Variants in AKNA observed in about 807,000 individuals in gnomAD.
AKNA encodes microtubule organization protein AKNA.
Under a neutral mutation model 138.8 loss-of-function variants are expected in AKNA, and 67 were observed. The observed-to-expected ratio is 0.48, with a 90% CI of 0.40 to 0.59. The LOEUF (loss-of-function observed/expected upper bound fraction) is 0.59. Among genes scored for constraint, AKNA ranks in the 20% least tolerant of loss-of-function variants. The probability of loss-of-function intolerance (pLI) is 0.00; values close to 1 mark genes in which losing one functional copy is unlikely to be tolerated. For missense variants in AKNA, 1,813 were observed against 1,880.4 expected, an observed-to-expected ratio of 0.96 and a Z score of 0.66; for synonymous variants, 737 against 754.4, an observed-to-expected ratio of 0.98 and a Z score of 0.38.
chr9:114,355,608 A>G (rs1383054171), intron 14 of AKNA, among the ~76,000 whole-genome samples: 2 of 152,072 alleles, frequency 1.3e-5, no homozygotes, highest in Non-Finnish European at 1.5e-5. Context: ...CTCCATGAAA[A>G]TCTTATGGGA....
chr9:114,368,078 A>C (rs775844997), intron 5 of AKNA: 1 of 288,178 alleles, frequency 3.5e-6, no homozygotes. Context: ...TGGGTGTGAC[A>C]ACAGTGCACA....
At chr9:114,364,830 G>A (rs772098388) in intron 6 of AKNA, among the ~76,000 whole-genome samples, 23 of 152,090 alleles carry the variant, frequency 1.5e-4, no homozygotes, top group Non-Finnish European at 2.8e-4. Context: ...AAACCTGCAG[G>A]AATTTACTGA....
chr9:114,361,700 G>A lies in AKNA; in HGVS notation c.2124+4C>T. ...CAGCCCAATATGGTTGAGCCAAGAG[G>A]TACCTCAGGGCAGGAGGTCTTGATG... On this transcript the variant is annotated splice_donor_region_variant and intron_variant, in intron 9 of 21. Transcript: ENST00000374088. 3.7e-6 allele frequency: 6 copies of A among 1,612,850 alleles called. No homozygotes were observed. The highest frequency in any genetic ancestry group is 1.1e-5 in the South Asian group (1 of 91,022).
At position 114,377,041 on chromosome 9, in the gene AKNA, G is replaced by A. The variant is rs551201856; in HGVS notation, c.766C>T (p.Arg256Trp). Residue 256 changes from arginine to tryptophan, a missense_variant, in exon 3 of 22, where the codon CGG (arginine) becomes TGG (tryptophan). Arg to Trp is a moderately radical substitution (Grantham distance 101). Transcript: ENST00000374088. ...PDGRTGGSVA[R>W]ATPMEFQDSS... ...TCCTGGAATTCCATGGGGGTTGCCC[G>A]AGCAACACTGCCTCCAGTTCTGCCA... 17 of 1,614,184 alleles carry A rather than the reference G, an allele frequency of 1.1e-5. No individual in the cohort carries two copies. Among genetic ancestry groups the A allele is most frequent in the African/African-American group, 5.3e-5 (4 of 75,052 alleles).
chr9:114,394,961 C>T (rs538609966), upstream of AKNA, among the ~76,000 whole-genome samples: 1 of 152,204 alleles, frequency 6.6e-6, no homozygotes, highest in South Asian at 2.1e-4. Context: ...AGTGGGGGGG[C>T]TGGGGGGAGA....
chr9:114,356,813 C>T, intron 13 of AKNA, 50 bp downstream of exon 13: 1 of 1,455,384 alleles, frequency 6.9e-7, no homozygotes, highest in African/African-American at 1.5e-5. Context: ...GATTCCCAGG[C>T]TGTCCCAGGA....
At chr9:114,393,955 C>G (rs1408429912) in intron 1 of AKNA, among the ~76,000 whole-genome samples, 1 of 152,006 alleles carries the variant, frequency 6.6e-6, no homozygotes, top group East Asian at 1.9e-4. Context: ...GGAGGATCAC[C>G]TGAGGTCAGG....
chr9:114,349,946 CT>C (rs1395938380), intron 15 of AKNA, among the ~76,000 whole-genome samples: 1 of 152,230 alleles, frequency 6.6e-6, no homozygotes, highest in Non-Finnish European at 1.5e-5. Flanking sequence ...CCTGAAGCCT[CT>C]AACCGGACCA....
downstream of AKNA, chr9:114,330,562 A>G: frequency 6.2e-7 from 1 of 1,612,902 alleles, no homozygotes; most frequent in South Asian, 1.1e-5. Flanking sequence ...TCTTTCTCAG[A>G]GAGTACCAGA....
downstream of AKNA, chr9:114,331,470 C>T (rs1433629213): frequency 2.0e-5 from 20 of 979,076 alleles, no homozygotes; most frequent in Admixed American, 2.7e-4. Context: ...CACTGATGGG[C>T]TTTGTGGCCC....
chr9:114,348,630 C>T (rs1830874137), intron 15 of AKNA, among the ~76,000 whole-genome samples: 1 of 152,248 alleles, frequency 6.6e-6, no homozygotes, highest in South Asian at 2.1e-4. Context: ...GTCCAACCTC[C>T]AGCCACCAGC....
At chr9:114,331,169 C>T (rs1829844067), downstream of AKNA, among the ~76,000 whole-genome samples, 1 of 152,132 alleles carries the variant, frequency 6.6e-6, no homozygotes, top group African/African-American at 2.4e-5. Flanking sequence ...AGATCCTTTG[C>T]AAACCAATGG....
rs762752540 is a variant in AKNA, at chr9:114,381,273, G to C, written c.61C>G (p.Arg21Gly). 6.2e-7 allele frequency: 1 copy of C among 1,612,662 alleles called. No homozygotes were observed. Among genetic ancestry groups the C allele is most frequent in the Non-Finnish European group, 8.5e-7 (1 of 1,179,360 alleles). ...TCCTCGGCCCAGGCCCAGCGCCGCC[G>C]CTGGGGGCCCTTCCCCAGGCCAGGC... ...AEPGLGKGPQRRRWAWAEDKR... is the reference protein window; with the variant it reads ...AEPGLGKGPQGRRWAWAEDKR... The change falls in exon 2 of 22, where the codon CGG becomes GGG. Residue 21 changes from arginine (R) to glycine (G), a missense_variant. By Grantham distance (125) the Arg-to-Gly change is moderately radical. Coordinates refer to ENST00000374088, the MANE Select transcript of AKNA (RefSeq NM_001317950.2).
At chr9:114,388,648 C>T (rs943302511), upstream of AKNA, among the ~76,000 whole-genome samples, 1 of 152,206 alleles carries the variant, frequency 6.6e-6, no homozygotes, top group Non-Finnish European at 1.5e-5. Context: ...GGGAACAGAT[C>T]GATCCTGATG....
At chr9:114,377,693 C>A in intron 2 of AKNA, 161 bp from the exon 3 acceptor site, 1 of 739,590 alleles carries the variant, frequency 1.4e-6, no homozygotes, top group Non-Finnish European at 2.1e-6. Flanking sequence ...TTGTCTGATA[C>A]CTGATCTGAT....
intron 1 of AKNA, among the ~76,000 whole-genome samples, chr9:114,382,386 T>C (rs114983665): frequency 0.015 from 2,274 of 151,130 alleles, 58 homozygotes; most frequent in African/African-American, 0.052. Flanking sequence ...AGTCTAGGAG[T>C]TCGAGACCAG....
chr9:114,353,351 G>A (rs1395034580), intron 14 of AKNA, among the ~76,000 whole-genome samples: 2 of 151,326 alleles, frequency 1.3e-5, no homozygotes, highest in African/African-American at 2.4e-5. Context: ...TGCAACCTCC[G>A]CCCCCGGGTT....
downstream of AKNA, chr9:114,331,869 C>T (rs142563384): frequency 3.4e-4 from 548 of 1,613,808 alleles, 8 homozygotes; most frequent in African/African-American, 6.5e-3. Context: ...GAGAGTTCTA[C>T]GAAGCTCTCG....
At chr9:114,339,153 C>CA (rs1196744830) in intron 21 of AKNA, among the ~76,000 whole-genome samples, 1 of 152,190 alleles carries the variant, frequency 6.6e-6, no homozygotes, top group Non-Finnish European at 1.5e-5. Flanking sequence ...CATACACCCC[C>CA]ACCTTCTGTT....
Sources: allele counts gnomAD v4.1 joint callset (sites outside exome capture counted in the v4.1 genomes callset), GRCh38; gene constraint gnomAD v4.1.1; transcripts MANE v1.5; gene names NCBI Gene and HGNC (gene_info 2026-07-23, HGNC 2026-07-21).